Variants in PCDH11X observed in about 807,000 individuals in gnomAD.
The protein encoded by PCDH11X is protocadherin 11 X-linked, also known as protocadherin-11 X-linked.
In PCDH11X, 18 loss-of-function variants were observed where a neutral mutation model predicts 53.3. That is an observed-to-expected ratio of 0.34 (90% CI 0.23 to 0.50). The LOEUF is 0.50. Ranked by LOEUF, PCDH11X falls within the 20% of genes least tolerant of loss-of-function variation. PCDH11X has a pLI of 0.98. For synonymous variants in PCDH11X, 279 were observed against 393.3 expected, an observed-to-expected ratio of 0.71 and a Z score of 3.44; for missense variants, 570 against 1,032.4, an observed-to-expected ratio of 0.55 and a Z score of 6.14.
intron 9 of PCDH11X, among the ~76,000 whole-genome samples, chrX:92,432,433 C>G (rs931304043): frequency 1.8e-5 from 2 of 110,284 alleles, no homozygotes; most frequent in African/African-American, 6.5e-5. Context: ...TGAGTGACAT[C>G]AAAACCACCT....
intron 10 of PCDH11X, among the ~76,000 whole-genome samples, chrX:92,590,598 C>T (rs1480466150): frequency 9.0e-6 from 1 of 111,002 alleles, no homozygotes; most frequent in Non-Finnish European, 1.9e-5. Flanking sequence ...ATCTATTGGC[C>T]TTACTAAGAT....
At chrX:92,109,134 CAGCACT>C (rs1244894899) in intron 6 of PCDH11X, among the ~76,000 whole-genome samples, 1 of 111,102 alleles carries the variant, frequency 9.0e-6, no homozygotes, top group Non-Finnish European at 1.9e-5. Context: ...CCTGTAATCC[CAGCACT>C]TTGGGAGGCC....
chrX:92,378,356 T>C (rs939592676), intron 8 of PCDH11X, among the ~76,000 whole-genome samples: 3 of 109,243 alleles, frequency 2.7e-5, no homozygotes, highest in African/African-American at 1.0e-4. Context: ...AATAATCATA[T>C]TCTAAAATTG....
At chrX:92,161,305 G>C (rs113926543) in intron 6 of PCDH11X, among the ~76,000 whole-genome samples, 2,888 of 111,384 alleles carry the variant, frequency 0.026, 49 homozygotes, top group Non-Finnish European at 0.035. Flanking sequence ...AAAACTTTTG[G>C]CTGATAATTA....
chrX:92,192,614 T>C (rs2066216074), intron 6 of PCDH11X, among the ~76,000 whole-genome samples: 1 of 111,926 alleles, frequency 8.9e-6, no homozygotes, highest in Admixed American at 9.5e-5. Flanking sequence ...CCTAAAGTGC[T>C]GGGATTACAG....
At chrX:92,096,468 GTGTGTGTA>G (rs1398442387) in intron 6 of PCDH11X, among the ~76,000 whole-genome samples, 14 of 109,110 alleles carry the variant, frequency 1.3e-4, no homozygotes, top group African/African-American at 4.7e-4. Context: ...GTGTGTGTGT[GTGTGTGTA>G]TGTACCTGCT....
At chrX:91,888,120 A>G (rs754273069) in intron 6 of PCDH11X, among the ~76,000 whole-genome samples, 6 of 112,006 alleles carry the variant, frequency 5.4e-5, no homozygotes, top group South Asian at 3.7e-4. Flanking sequence ...TTATCCATAC[A>G]TACACAAATA....
intron 5 of PCDH11X, among the ~76,000 whole-genome samples, chrX:91,839,178 TATC>T (rs1937412502): frequency 9.0e-6 from 1 of 110,612 alleles, no homozygotes; most frequent in Non-Finnish European, 1.9e-5. Context: ...GTATTATGCT[TATC>T]ATCATATGAC....
intron 10 of PCDH11X, among the ~76,000 whole-genome samples, chrX:92,542,278 T>C (rs895024840): frequency 6.3e-5 from 7 of 111,474 alleles, no homozygotes; most frequent in Admixed American, 9.5e-5. Flanking sequence ...TCATTAAATA[T>C]CACTTTTGCG....
chrX:92,384,649 T>C lies in PCDH11X; in HGVS notation c.3145-3086T>C, dbSNP rs191310174. On this transcript the variant is annotated intron_variant, in intron 8 of 10. Coordinates refer to ENST00000682573, the MANE Select transcript of PCDH11X (RefSeq NM_032968.5). ...GTGAAATCGTAGAGATTCAAAGCTG[T>C]CTTCTTGGGCTGAGTTAGTTCCTGG... Among the ~76,000 whole-genome samples the C allele has an allele frequency of 9.7e-3, 941 of 96,910 alleles. 19 individuals carry two copies. Among genetic ancestry groups the C allele is most frequent in the African/African-American group, 0.035 (904 of 26,173 alleles). 84.2% of individuals were successfully genotyped at this position (96,910 alleles called of 115,157 possible).
Position 91,884,165 on chromosome X carries a change from T to G in PCDH11X, c.3033+4892T>G, listed in dbSNP as rs1602425385. Among the ~76,000 whole-genome samples the G allele has an allele frequency of 6.6e-5, 5 of 75,504 alleles. No homozygotes were observed. In the South Asian group the frequency reaches 3.8e-3, roughly 57 times the overall value. The allele number at this position is 75,504 out of a possible 115,157, so 65.6% of individuals were successfully genotyped here. ...GAGATCGTGCCGTTGCACTCCAGCG[T>G]GGGTGACAAAGCAAGACTCCGTCTC... On this transcript the variant is annotated intron_variant, in intron 6 of 10. Transcript: ENST00000682573.
At chrX:92,320,789 C>T (rs2069183194) in intron 8 of PCDH11X, among the ~76,000 whole-genome samples, 1 of 111,411 alleles carries the variant, frequency 9.0e-6, no homozygotes. Context: ...GAGACAGGCA[C>T]TTTAAAGAAG....
At chrX:91,907,408 C>CAGAGAGAG (rs1361235635) in intron 6 of PCDH11X, among the ~76,000 whole-genome samples, 5 of 66,096 alleles carry the variant, frequency 7.6e-5, no homozygotes, top group African/African-American at 2.5e-4. Flanking sequence ...CACACACACA[C>CAGAGAGAG]ACACAGAGAG....
intron 6 of PCDH11X, among the ~76,000 whole-genome samples, chrX:91,880,645 CA>C (rs1939848737): frequency 9.1e-6 from 1 of 110,255 alleles, no homozygotes; most frequent in South Asian, 3.9e-4. Context: ...AATGCTGTTT[CA>C]AAAGGTAAAC....
intron 6 of PCDH11X, among the ~76,000 whole-genome samples, chrX:92,076,224 T>C (rs2063770336): frequency 1.8e-5 from 2 of 108,527 alleles, no homozygotes; most frequent in African/African-American, 6.9e-5. Flanking sequence ...AGCAGGTTTA[T>C]GGTCTCTAAA....
intron 5 of PCDH11X, among the ~76,000 whole-genome samples, chrX:91,840,562 G>T (rs1937490784): frequency 9.0e-6 from 1 of 111,520 alleles, no homozygotes; most frequent in African/African-American, 3.3e-5. Context: ...CTGGATTTAT[G>T]AAACTAAGGT....
chrX:92,609,956 A>C (rs1320884716), intron 10 of PCDH11X, among the ~76,000 whole-genome samples: 1 of 111,680 alleles, frequency 9.0e-6, no homozygotes, highest in Non-Finnish European at 1.9e-5. Flanking sequence ...CGTATATCCT[A>C]TGGTATATGC....
At chrX:92,416,265 T>C (rs2071807724) in intron 9 of PCDH11X, among the ~76,000 whole-genome samples, 1 of 110,177 alleles carries the variant, frequency 9.1e-6, no homozygotes. Context: ...GATAGAACAA[T>C]AGGGTGACTA....
chrX:92,248,664 G>T (rs1417589644), intron 7 of PCDH11X, among the ~76,000 whole-genome samples: 1 of 111,351 alleles, frequency 9.0e-6, no homozygotes, highest in Non-Finnish European at 1.9e-5. Context: ...ATCAAACATA[G>T]ATTGAAGGAA....
Sources: gnomAD v4.1 joint callset for allele counts (sites outside exome capture counted in the v4.1 genomes callset) on GRCh38, gnomAD v4.1.1 for gene constraint, MANE v1.5 for transcripts, NCBI Gene and HGNC (gene_info 2026-07-23, HGNC 2026-07-21) for gene names.